MDFIC2: variants seen among roughly 807,000 people sequenced by gnomAD.
MDFIC2 encodes the protein myoD family inhibitor domain-containing protein 2.
intron 2 of MDFIC2, among the ~76,000 whole-genome samples, chr3:70,298,509 T>G (rs796989345): frequency 2.0e-5 from 3 of 152,156 alleles, no homozygotes; most frequent in African/African-American, 7.2e-5. Context: ...TATTACTAAG[T>G]TGTAATTCAT....
At chr3:70,229,413 C>T (rs1482755772) in intron 2 of MDFIC2, among the ~76,000 whole-genome samples, 2 of 152,154 alleles carry the variant, frequency 1.3e-5, no homozygotes, top group South Asian at 4.1e-4. Context: ...CTCTTTAGCT[C>T]ATAAAGATTT....
intron 2 of MDFIC2, among the ~76,000 whole-genome samples, chr3:70,308,921 C>A (rs1337827943): frequency 1.3e-5 from 2 of 152,162 alleles, no homozygotes; most frequent in African/African-American, 4.8e-5. Flanking sequence ...TAAGGCATTG[C>A]TGTGATTACC....
intron 2 of MDFIC2, chr3:70,292,130 C>G (rs1440249467): frequency 6.6e-6 from 1 of 152,170 alleles, no homozygotes; most frequent in Non-Finnish European, 1.5e-5. Context: ...AGCTCTGCAT[C>G]TCCCTTATGG....
At chr3:70,259,350 G>A (rs910810400) in intron 2 of MDFIC2, among the ~76,000 whole-genome samples, 4 of 151,930 alleles carry the variant, frequency 2.6e-5, no homozygotes, top group Non-Finnish European at 5.9e-5. Flanking sequence ...AGGATCTAAA[G>A]TGACCTTGAT....
chr3:70,225,453 AAC>A (rs1701494832), intron 2 of MDFIC2, among the ~76,000 whole-genome samples: 1 of 152,322 alleles, frequency 6.6e-6, no homozygotes, highest in Non-Finnish European at 1.5e-5. Flanking sequence ...TTATCTCAAA[AAC>A]ATTGTAAATC....
chr3:70,208,572 G>A (rs1243743900), intron 2 of MDFIC2, among the ~76,000 whole-genome samples: 1 of 152,006 alleles, frequency 6.6e-6, no homozygotes, highest in African/African-American at 2.4e-5. Context: ...GGTGGGATGG[G>A]AGAATTTTTG....
intron 2 of MDFIC2, among the ~76,000 whole-genome samples, chr3:70,244,392 G>A (rs1287689965): frequency 1.3e-5 from 2 of 152,154 alleles, no homozygotes; most frequent in East Asian, 1.9e-4. Flanking sequence ...TTATGGGCCT[G>A]TCAAAAGGGC....
intron 2 of MDFIC2, among the ~76,000 whole-genome samples, chr3:70,260,362 G>A (rs752805667): frequency 2.6e-5 from 4 of 152,044 alleles, no homozygotes; most frequent in Admixed American, 6.6e-5. Flanking sequence ...ACTCCGGTAC[G>A]ACTTTATCTT....
chr3:70,299,948 G>A (rs1292089473), intron 2 of MDFIC2, among the ~76,000 whole-genome samples: 3 of 152,002 alleles, frequency 2.0e-5, no homozygotes, highest in East Asian at 1.9e-4. Context: ...CCAGTCAAAC[G>A]TAGCTATCGT....
chr3:70,305,230 C>T (rs1702388039), intron 2 of MDFIC2, among the ~76,000 whole-genome samples: 1 of 151,478 alleles, frequency 6.6e-6, no homozygotes, highest in African/African-American at 2.4e-5. Context: ...CTTTTTTTTT[C>T]CGTCGGCTAT....
intron 2 of MDFIC2, among the ~76,000 whole-genome samples, chr3:70,283,306 A>G (rs998371182): frequency 1.3e-5 from 2 of 151,962 alleles, no homozygotes; most frequent in Admixed American, 6.6e-5. Flanking sequence ...TTTTCAATGC[A>G]CTGTGCCTGG....
chr3:70,211,420 TTTGCCC>T (rs1219530019), intron 2 of MDFIC2, among the ~76,000 whole-genome samples: 74 of 34,824 alleles, frequency 2.1e-3, no homozygotes, highest in Non-Finnish European at 4.8e-3. Context: ...TTCCCTTCCC[TTTGCCC>T]TTCCCTTCCC....
At chr3:70,218,571 G>A (rs944113634) in intron 2 of MDFIC2, among the ~76,000 whole-genome samples, 5 of 152,074 alleles carry the variant, frequency 3.3e-5, no homozygotes, top group Non-Finnish European at 7.4e-5. Flanking sequence ...GTAGTGGCCT[G>A]AGTAGACTTT....
chr3:70,223,521 G>T (rs564608527), intron 2 of MDFIC2, among the ~76,000 whole-genome samples: 2 of 152,068 alleles, frequency 1.3e-5, no homozygotes, highest in South Asian at 2.1e-4. Flanking sequence ...GGAAACTAGC[G>T]CAGTGCCTCA....
intron 3 of MDFIC2, among the ~76,000 whole-genome samples, chr3:70,204,185 C>A (rs574904674): frequency 2.0e-4 from 30 of 152,268 alleles, no homozygotes; most frequent in African/African-American, 7.0e-4. Context: ...CTCATTTATA[C>A]ATTTGAAAAT....
At chr3:70,284,286 T>C (rs1167910402) in intron 2 of MDFIC2, among the ~76,000 whole-genome samples, 2 of 152,224 alleles carry the variant, frequency 1.3e-5, no homozygotes, top group Admixed American at 1.3e-4. Context: ...GATTTATTTC[T>C]GTAAACTGCT....
intron 2 of MDFIC2, among the ~76,000 whole-genome samples, chr3:70,220,313 C>T (rs932448754): frequency 5.3e-5 from 8 of 151,964 alleles, no homozygotes; most frequent in Admixed American, 1.3e-4. Flanking sequence ...TGCCTGTAAT[C>T]CCAGTGCTTT....
chr3:70,307,622 G>A (rs1242081623), intron 2 of MDFIC2, among the ~76,000 whole-genome samples: 1 of 151,890 alleles, frequency 6.6e-6, no homozygotes, highest in East Asian at 1.9e-4. Context: ...TCGCTTCAAG[G>A]CTGCTAAATG....
At chr3:70,250,448 CACAA>C (rs1234356451) in intron 2 of MDFIC2, among the ~76,000 whole-genome samples, 3 of 143,580 alleles carry the variant, frequency 2.1e-5, no homozygotes, top group African/African-American at 7.6e-5. Context: ...CACACACACA[CACAA>C]ACACAAACCT....
Sources: allele counts gnomAD v4.1 joint callset (sites outside exome capture counted in the v4.1 genomes callset), GRCh38; gene constraint gnomAD v4.1.1; transcripts MANE v1.5; gene names NCBI Gene and HGNC (gene_info 2026-07-23, HGNC 2026-07-21).